PDE8B: variants seen among roughly 807,000 people sequenced by gnomAD.
PDE8B encodes the protein phosphodiesterase 8B.
PDE8B carries 26 observed loss-of-function variants against 101.3 expected under a neutral mutation model. The observed-to-expected ratio is 0.26, with a 90% CI of 0.19 to 0.36. PDE8B has a LOEUF of 0.36. Ranked by LOEUF, PDE8B falls within the 10% of genes least tolerant of loss-of-function variation. The pLI, the probability that PDE8B is intolerant of heterozygous loss-of-function variation, is 1.00. For synonymous variants in PDE8B, 424 were observed against 429.3 expected (o/e 0.99, Z 0.15); for missense variants, 810 against 1,163.1 (o/e 0.70, Z 4.42).
At chr5:77,369,902 C>T (rs902973248) in intron 10 of PDE8B, among the ~76,000 whole-genome samples, 1 of 152,180 alleles carries the variant, frequency 6.6e-6, no homozygotes, top group South Asian at 2.1e-4. Context: ...AATTTTTTCT[C>T]AAGCATTTTA....
the PDE8B span, among the ~76,000 whole-genome samples, chr5:77,152,348 T>C: frequency 6.6e-6 from 1 of 152,220 alleles, no homozygotes; most frequent in South Asian, 2.1e-4. Flanking sequence ...CAACTGAAAA[T>C]GTTTACTTCT....
chr5:77,136,886 T>A, the PDE8B span, among the ~76,000 whole-genome samples: 2 of 152,208 alleles, frequency 1.3e-5, no homozygotes, highest in Non-Finnish European at 2.9e-5. Flanking sequence ...TTTCATCACT[T>A]TTTTTGGGCT....
intron 1 of PDE8B, among the ~76,000 whole-genome samples, chr5:77,297,460 A>G (rs1768856643): frequency 6.6e-6 from 1 of 152,140 alleles, no homozygotes; most frequent in African/African-American, 2.4e-5. Context: ...TTCTGATTCA[A>G]TAGATCTCGG....
intron 10 of PDE8B, among the ~76,000 whole-genome samples, chr5:77,366,390 G>A (rs978738531): frequency 5.9e-5 from 9 of 152,226 alleles, no homozygotes; most frequent in African/African-American, 2.2e-4. Flanking sequence ...TGGGTAAGCA[G>A]TTGAGGGGTA....
chr5:77,130,091 G>A, the PDE8B span, among the ~76,000 whole-genome samples: 1 of 151,794 alleles, frequency 6.6e-6, no homozygotes, highest in African/African-American at 2.4e-5. Flanking sequence ...TAGACCTCTG[G>A]ATTTTATTTT....
intron 17 of PDE8B, among the ~76,000 whole-genome samples, chr5:77,414,314 A>C (rs775913951): frequency 5.9e-5 from 9 of 152,230 alleles, no homozygotes; most frequent in Non-Finnish European, 1.3e-4. Context: ...TTTGTCTTCT[A>C]CTTTTAGAAA....
chr5:77,365,963 A>G (rs1380007846), intron 10 of PDE8B, among the ~76,000 whole-genome samples: 2 of 152,202 alleles, frequency 1.3e-5, no homozygotes, highest in Admixed American at 6.5e-5. Flanking sequence ...AAGGCACTTT[A>G]CTTCCTGATT....
At chr5:77,181,891 C>T in the PDE8B span, among the ~76,000 whole-genome samples, 1 of 152,192 alleles carries the variant, frequency 6.6e-6, no homozygotes, top group South Asian at 2.1e-4. Flanking sequence ...AGAGGACCCG[C>T]CCTCTCGGAT....
chr5:77,201,201 C>T, the PDE8B span, among the ~76,000 whole-genome samples: 1 of 152,212 alleles, frequency 6.6e-6, no homozygotes, highest in South Asian at 2.1e-4. Context: ...AAAAAACTAG[C>T]ATCACTGCGT....
chr5:77,165,468 G>C, the PDE8B span: 10 of 152,288 alleles, frequency 6.6e-5, no homozygotes, highest in African/African-American at 2.2e-4. Context: ...GACGTACAAG[G>C]CTCCTGCCTA....
intron 6 of PDE8B, among the ~76,000 whole-genome samples, chr5:77,342,923 G>A (rs1779473100): frequency 6.6e-6 from 1 of 152,180 alleles, no homozygotes; most frequent in Non-Finnish European, 1.5e-5. Context: ...TGTGTCTGTT[G>A]CAAAAGGCCA....
intron 1 of PDE8B, among the ~76,000 whole-genome samples, chr5:77,267,876 G>A (rs1431230848): frequency 6.6e-6 from 1 of 152,200 alleles, no homozygotes; most frequent in Non-Finnish European, 1.5e-5. Context: ...GAGCCAATAA[G>A]TTGTCTATAA....
chr5:77,242,739 T>C (rs1341757599), intron 1 of PDE8B, among the ~76,000 whole-genome samples: 1 of 152,228 alleles, frequency 6.6e-6, no homozygotes, highest in African/African-American at 2.4e-5. Context: ...TGGCACAGTC[T>C]TGGCTCACTG....
the PDE8B span, chr5:77,151,534 C>T: frequency 4.6e-5 from 7 of 152,282 alleles, no homozygotes; most frequent in East Asian, 9.6e-4. Flanking sequence ...ACCTGATGGC[C>T]AGCAAAAATC....
chr5:77,389,538 T>G (rs893843843), intron 10 of PDE8B, among the ~76,000 whole-genome samples: 2 of 152,142 alleles, frequency 1.3e-5, no homozygotes, highest in Non-Finnish European at 2.9e-5. Flanking sequence ...CTGCAATCCC[T>G]TCCTTGAGTT....
chr5:77,384,496 C>T (rs1788143783), intron 10 of PDE8B, among the ~76,000 whole-genome samples: 1 of 152,206 alleles, frequency 6.6e-6, no homozygotes, highest in Non-Finnish European at 1.5e-5. Flanking sequence ...CTTGCCAGAA[C>T]TTCCAATACC....
intron 1 of PDE8B, among the ~76,000 whole-genome samples, chr5:77,226,427 A>T (rs1004645561): frequency 6.6e-6 from 1 of 152,168 alleles, no homozygotes; most frequent in Non-Finnish European, 1.5e-5. Flanking sequence ...ATTCCTACTC[A>T]TAGCTGCATA....
intron 17 of PDE8B, 42 bp from the exon 18 acceptor site, chr5:77,418,187 G>T: frequency 2.3e-6 from 3 of 1,279,874 alleles, no homozygotes; most frequent in Non-Finnish European, 3.4e-6. Flanking sequence ...GGGTCTCCAA[G>T]ATCCAGTGGG....
At chr5:77,322,436 T>C (rs925022163) in intron 2 of PDE8B, among the ~76,000 whole-genome samples, 2 of 152,142 alleles carry the variant, frequency 1.3e-5, no homozygotes, top group African/African-American at 4.8e-5. Context: ...AAATCCAGTT[T>C]TGTAACACCT....
Sources: gnomAD v4.1 joint callset for allele counts (sites outside exome capture counted in the v4.1 genomes callset) on GRCh38, gnomAD v4.1.1 for gene constraint, MANE v1.5 for transcripts, NCBI Gene and HGNC (gene_info 2026-07-23, HGNC 2026-07-21) for gene names.